The following ARHGAP18 variants were observed in gnomAD, a reference collection of about 807,000 sequenced individuals.
ARHGAP18 encodes rho GTPase-activating protein 18.
ARHGAP18 carries 67 observed loss-of-function variants against 86.2 expected under a neutral mutation model. That is an observed-to-expected ratio of 0.78 (90% confidence interval 0.64 to 0.95). ARHGAP18 has a LOEUF of 0.95. Among genes scored for constraint, ARHGAP18 ranks in the 40% least tolerant of loss-of-function variants. The probability of loss-of-function intolerance (pLI) is 0.00; values close to 1 mark genes in which losing one functional copy is unlikely to be tolerated. For synonymous variants in ARHGAP18, 283 were observed against 280.4 expected, an observed-to-expected ratio of 1.01 and a Z score of -0.09; for missense variants, 691 against 780.4, an observed-to-expected ratio of 0.89 and a Z score of 1.37.
intron 11 of ARHGAP18, among the ~76,000 whole-genome samples, chr6:129,600,100 A>G (rs533391971): frequency 1.3e-5 from 2 of 152,296 alleles, no homozygotes; most frequent in Admixed American, 6.5e-5. Flanking sequence ...GAAATATTCA[A>G]TATTATAATT....
At chr6:129,625,012 A>AT (rs1415072794) in intron 5 of ARHGAP18, among the ~76,000 whole-genome samples, 4,602 of 85,008 alleles carry the variant, frequency 0.054, 863 homozygotes, top group Non-Finnish European at 0.073. Context: ...ATATTTATAT[A>AT]ATATATATGA....
chr6:129,589,856 CT>C (rs985477262), intron 12 of ARHGAP18, among the ~76,000 whole-genome samples: 3 of 152,188 alleles, frequency 2.0e-5, no homozygotes, highest in Non-Finnish European at 4.4e-5. Flanking sequence ...GTCCCAAAAC[CT>C]CAAAAGTGGG....
At chr6:129,701,644 C>T (rs1395254550) in intron 1 of ARHGAP18, among the ~76,000 whole-genome samples, 2 of 152,134 alleles carry the variant, frequency 1.3e-5, no homozygotes, top group Admixed American at 1.3e-4. Context: ...GTGGCAGGTG[C>T]CTGTAATCTC....
At chr6:129,656,528 C>T (rs988729546) in intron 1 of ARHGAP18, among the ~76,000 whole-genome samples, 2 of 152,090 alleles carry the variant, frequency 1.3e-5, no homozygotes, top group African/African-American at 4.8e-5. Flanking sequence ...ATAATCCCAG[C>T]TACTTGGGAA....
At chr6:129,588,207 T>G (rs1391845589) in intron 12 of ARHGAP18, among the ~76,000 whole-genome samples, 1 of 151,492 alleles carries the variant, frequency 6.6e-6, no homozygotes, top group Non-Finnish European at 1.5e-5. Context: ...AACCTCTGCC[T>G]CCTGGGTTCA....
At chr6:129,616,404 CTATT>C (rs1789100497) in intron 6 of ARHGAP18, 101 bp from the exon 7 acceptor site, 2 of 922,722 alleles carry the variant, frequency 2.2e-6, no homozygotes, top group South Asian at 1.8e-5. Flanking sequence ...GATCAGACAA[CTATT>C]TATTTAGCAA....
intron 5 of ARHGAP18, among the ~76,000 whole-genome samples, chr6:129,626,987 A>T (rs898203310): frequency 2.0e-5 from 3 of 152,130 alleles, no homozygotes; most frequent in African/African-American, 7.2e-5. Flanking sequence ...ACAAAAGTCT[A>T]TTTCTACTAA....
Position 129,625,737 on chromosome 6 carries a change from A to G in ARHGAP18, c.786+3616T>C, listed in dbSNP as rs1271310536. Among the ~76,000 whole-genome samples, 37 of 19,588 alleles carry G rather than the reference A, an allele frequency of 1.9e-3. 6 individuals are homozygous for G. Among genetic ancestry groups the G allele is most frequent in the African/African-American group, 6.7e-3 (37 of 5,484 alleles). 12.9% of individuals were successfully genotyped at this position (19,588 alleles called of 152,430 possible). On this transcript the variant is annotated intron_variant, in intron 5 of 14. Transcript: ENST00000368149. ...TATTTATATATTATATATATTTATT[A>G]TATATTTATATATTATATATTTATA... is the stretch of plus-strand genomic sequence containing the variant.
At chr6:129,580,204 G>A (rs1788259029) in intron 13 of ARHGAP18, 73 bp from the exon 14 acceptor site, 1 of 1,313,694 alleles carries the variant, frequency 7.6e-7, no homozygotes, top group South Asian at 1.2e-5. Context: ...AACGTGCTTG[G>A]GGAATTCTGG....
intron 1 of ARHGAP18, among the ~76,000 whole-genome samples, chr6:129,699,097 A>G (rs914040765): frequency 1.3e-5 from 2 of 152,138 alleles, no homozygotes; most frequent in African/African-American, 4.8e-5. Flanking sequence ...TCGGCCTCCC[A>G]AAGTGCTGGG....
intron 1 of ARHGAP18, among the ~76,000 whole-genome samples, chr6:129,665,089 C>T (rs530925958): frequency 1.3e-5 from 2 of 152,290 alleles, no homozygotes; most frequent in African/African-American, 4.8e-5. Flanking sequence ...CCTTTCCTCC[C>T]ACCTCTTCAT....
At chr6:129,644,615 C>G (rs1385749104) in intron 1 of ARHGAP18, among the ~76,000 whole-genome samples, 1 of 152,134 alleles carries the variant, frequency 6.6e-6, no homozygotes, top group Non-Finnish European at 1.5e-5. Context: ...CCTGTGAGAC[C>G]ACAATAAGTA....
chr6:129,638,514 C>T lies in ARHGAP18; in HGVS notation c.432G>A (p.Gln144=). The T allele has an allele frequency of 6.2e-7, 1 of 1,614,132 alleles. No homozygotes were observed. Among genetic ancestry groups the T allele is most frequent in the East Asian group, 2.2e-5 (1 of 44,878 alleles). ...IVFLSTLTRT[Q]AAAVQKRVET... is the part of the protein sequence containing the mutation. ...CTACTCGCTTCTGAACTGCTGCTGC[C>T]TGGGTCCGCGTCAATGTTGATAAAA... Residue 144 remains glutamine (Q), a synonymous_variant, in exon 3 of 15, where the codon CAG becomes CAA. Transcript: ENST00000368149.
intron 1 of ARHGAP18, among the ~76,000 whole-genome samples, chr6:129,693,802 T>A (rs930807290): frequency 6.6e-6 from 1 of 152,220 alleles, no homozygotes; most frequent in Non-Finnish European, 1.5e-5. Context: ...ATAATTCTCA[T>A]CTTATGAGGA....
At chr6:129,709,794 C>T (rs759767581) in intron 1 of ARHGAP18, among the ~76,000 whole-genome samples, 5 of 152,218 alleles carry the variant, frequency 3.3e-5, no homozygotes, top group Non-Finnish European at 5.9e-5. Flanking sequence ...TAGCCCTCTC[C>T]CCAGTTCCTT....
chr6:129,603,355 G>GGTGTATGT (rs1319253700), intron 10 of ARHGAP18, among the ~76,000 whole-genome samples: 2 of 152,036 alleles, frequency 1.3e-5, no homozygotes. Flanking sequence ...AGTATTACAT[G>GGTGTATGT]GTGTATGTGT....
intron 3 of ARHGAP18, among the ~76,000 whole-genome samples, chr6:129,637,005 G>A (rs901117613): frequency 1.3e-5 from 2 of 152,116 alleles, no homozygotes; most frequent in Non-Finnish European, 2.9e-5. Context: ...TCCACCAACT[G>A]GCTTATTTGA....
chr6:129,626,065 T>TACACACACACAC (rs71028169), intron 5 of ARHGAP18, among the ~76,000 whole-genome samples: 1,094 of 101,514 alleles, frequency 0.011, 24 homozygotes, highest in African/African-American at 0.033. Context: ...TATACACATA[T>TACACACACACAC]ACACACACAC....
In ARHGAP18 at chr6:129,613,436, ATAAAATGTT is replaced by A. The variant is rs544094666; in HGVS notation, c.1045-1835_1045-1827del. 9.2e-5 allele frequency among the ~76,000 whole-genome samples: 14 copies of A among 152,318 alleles called. 1 individual carries two copies. The South Asian group carries it at 2.9e-3, about 32-fold the overall frequency. ...GCCAATTTTCATTTTATTTGATCTTATAAAATGTTTAAAATGTTTCTAGTCCTATTAACA... is the reference window on the plus strand; with the variant it reads ...GCCAATTTTCATTTTATTTGATCTTATAAAATGTTTCTAGTCCTATTAACA... On this transcript the variant is annotated intron_variant, in intron 7 of 14. Coordinates refer to ENST00000368149, the MANE Select transcript of ARHGAP18 (RefSeq NM_033515.3).
Sources: gnomAD v4.1 joint callset for allele counts (sites outside exome capture counted in the v4.1 genomes callset) on GRCh38, gnomAD v4.1.1 for gene constraint, MANE v1.5 for transcripts, NCBI Gene and HGNC (gene_info 2026-07-23, HGNC 2026-07-21) for gene names.